The following EXOC2 variants were observed in gnomAD, a reference collection of about 807,000 sequenced individuals.
The protein encoded by EXOC2 is exocyst complex component 2.
Under a neutral mutation model 131.8 loss-of-function variants are expected in EXOC2, and 70 were observed. That is an observed-to-expected ratio of 0.53 (90% CI 0.44 to 0.65). The LOEUF (loss-of-function observed/expected upper bound fraction) is 0.65. Ranked by LOEUF, EXOC2 falls within the 30% of genes least tolerant of loss-of-function variation. The probability of loss-of-function intolerance (pLI) is 0.00; values close to 1 mark genes in which losing one functional copy is unlikely to be tolerated. For missense variants in EXOC2, 923 were observed against 1,108.6 expected, an observed-to-expected ratio of 0.83 and a Z score of 2.38; for synonymous variants, 411 against 398.4, an observed-to-expected ratio of 1.03 and a Z score of -0.38.
chr6:691,750 A>G (rs1482285240), intron 1 of EXOC2, among the ~76,000 whole-genome samples: 1 of 152,226 alleles, frequency 6.6e-6, no homozygotes, highest in African/African-American at 2.4e-5. Flanking sequence ...ATGGCATTCA[A>G]TACAGGAAAT....
intron 6 of EXOC2, among the ~76,000 whole-genome samples, chr6:611,805 T>G (rs1232702459): frequency 6.6e-6 from 1 of 152,234 alleles, no homozygotes; most frequent in Non-Finnish European, 1.5e-5. Context: ...AACTTAAATA[T>G]GTGAAGCAGT....
intron 22 of EXOC2, among the ~76,000 whole-genome samples, chr6:537,300 C>T (rs1185204061): frequency 3.3e-5 from 5 of 149,640 alleles, no homozygotes; most frequent in African/African-American, 9.9e-5. Context: ...TGACAGCCGA[C>T]GGAGCGCACA....
chr6:623,359 A>C (rs1761391477), intron 4 of EXOC2, among the ~76,000 whole-genome samples: 1 of 152,210 alleles, frequency 6.6e-6, no homozygotes, highest in Admixed American at 6.5e-5. Context: ...TCTTGGTCAA[A>C]ATACCACCTC....
chr6:653,878 T>C (rs1015767216), intron 1 of EXOC2, among the ~76,000 whole-genome samples: 2 of 152,208 alleles, frequency 1.3e-5, no homozygotes, highest in Non-Finnish European at 2.9e-5. Flanking sequence ...TAGGGGCTAA[T>C]GTAGCTGGTA....
chr6:614,941 A>T lies in EXOC2; in HGVS notation c.661+2770T>A, dbSNP rs1410723382. Among the ~76,000 whole-genome samples, 4 of 19,358 alleles carry T rather than the reference A, an allele frequency of 2.1e-4. No individual in the cohort carries two copies. The East Asian group carries it at 0.18, about 880-fold the overall frequency. 12.7% of individuals were successfully genotyped at this position (19,358 alleles called of 152,430 possible). A position where few individuals can be genotyped will look rare whatever the true frequency, so the allele number is the denominator to read the frequency against. On this transcript the variant is annotated intron_variant, in intron 6 of 27. Transcript: ENST00000230449. ...TTTACTAAAAACTACTAAGGAGGAA[A>T]ATTACAATACACATTTTAAAAACAC...
chr6:637,661 A>C (rs1240395425), intron 2 of EXOC2, 40 bp downstream of exon 2: 3 of 1,497,996 alleles, frequency 2.0e-6, no homozygotes, highest in South Asian at 1.2e-5. Context: ...CCACATAAAA[A>C]TCCGATTAGC....
intron 26 of EXOC2, among the ~76,000 whole-genome samples, chr6:489,734 T>C (rs980134377): frequency 2.6e-5 from 4 of 152,242 alleles, no homozygotes; most frequent in African/African-American, 7.2e-5. Context: ...TTATCTCTCT[T>C]ATGATTGGTT....
rs371938973 is a variant in EXOC2 at position 637,707 on chromosome 6, G to C, written c.112C>G (p.Leu38Val). 202 of 1,612,798 alleles carry C rather than the reference G, an allele frequency of 1.3e-4. 1 individual carries two copies. Among genetic ancestry groups the C allele is most frequent in the Non-Finnish European group, 1.7e-4 (198 of 1,179,524 alleles). Residue 38 changes from leucine to valine, a missense_variant, in exon 2 of 28, where the codon CTC (leucine) becomes GTC (valine). Leu to Val is a conservative substitution (Grantham distance 32). Coordinates refer to ENST00000230449, the MANE Select transcript of EXOC2 (RefSeq NM_018303.6). ...GCAGGGCCTCTGCCCTTACCTATGA[G>C]GTCGGTGGGGCCAGTCCCCAGATTT... ...GENLGTGPTD[L>V]IGLTICGHNC...
At position 507,424 on chromosome 6, in the gene EXOC2, A is replaced by T. The variant is rs186189772; in HGVS notation, c.2381-7724T>A. ...AGGGATTGCACTCTAGTAGGGACAC[A>T]CCCAGGTTTAATATGACAAATGACC... On this transcript the variant is annotated intron_variant, in intron 23 of 27. Coordinates refer to ENST00000230449, the MANE Select transcript of EXOC2 (RefSeq NM_018303.6). 1.1e-4 allele frequency among the ~76,000 whole-genome samples: 16 copies of T among 151,406 alleles called. No individual in the cohort carries two copies. The Admixed American group carries it at 1.1e-3, about 10-fold the overall frequency.
At chr6:661,791 T>G (rs902091756) in intron 1 of EXOC2, among the ~76,000 whole-genome samples, 7 of 151,984 alleles carry the variant, frequency 4.6e-5, no homozygotes, top group African/African-American at 1.7e-4. Context: ...AAAGCAATGG[T>G]ACCTCACATT....
At chr6:581,243 C>T (rs1340179384) in intron 11 of EXOC2, among the ~76,000 whole-genome samples, 1 of 151,228 alleles carries the variant, frequency 6.6e-6, no homozygotes, top group Non-Finnish European at 1.5e-5. Context: ...TTGCAGAATG[C>T]CAAGATCACA....
intron 1 of EXOC2, chr6:670,108 C>T (rs1347768588): frequency 6.6e-6 from 1 of 152,292 alleles, no homozygotes; most frequent in African/African-American, 2.4e-5. Flanking sequence ...CATCTCAGAG[C>T]CATCGTACTT....
chr6:648,502 T>C (rs1420486581), intron 1 of EXOC2, among the ~76,000 whole-genome samples: 2 of 152,146 alleles, frequency 1.3e-5, no homozygotes, highest in Non-Finnish European at 2.9e-5. Flanking sequence ...CATAAAACAA[T>C]GACATCAAAA....
chr6:534,474 T>A (rs1278730535), intron 22 of EXOC2, among the ~76,000 whole-genome samples: 1 of 152,048 alleles, frequency 6.6e-6, no homozygotes, highest in Non-Finnish European at 1.5e-5. Context: ...AGACTGACTT[T>A]CAAGCTTCTA....
rs771964720 is a variant in EXOC2 at position 629,947 on chromosome 6, A to T, written c.310T>A (p.Ser104Thr). The T allele has an allele frequency of 1.2e-6, 2 of 1,613,988 alleles. No individual in the cohort carries two copies. Among genetic ancestry groups the T allele is most frequent in the Non-Finnish European group, 1.7e-6 (2 of 1,179,880 alleles). Residue 104 changes from serine to threonine, a missense_variant, in exon 4 of 28, where the codon TCT becomes ACT. By Grantham distance (58) the Ser-to-Thr change is moderately conservative. Coordinates refer to ENST00000230449, the MANE Select transcript of EXOC2 (RefSeq NM_018303.6). ...TTCATTTCATCAACCCACACAGCAG[A>T]CTGATCCAAAATGCCTACAGAAATG... is the stretch of plus-strand genomic sequence containing the variant. ...KPEKIGILDQ[S>T]AVWVDEMNYY...
At chr6:568,806 G>A (rs955411697) in intron 13 of EXOC2, among the ~76,000 whole-genome samples, 3 of 152,104 alleles carry the variant, frequency 2.0e-5, no homozygotes, top group Non-Finnish European at 2.9e-5. Context: ...AAAGAAAAGC[G>A]TGAAAATCTG....
intron 1 of EXOC2, among the ~76,000 whole-genome samples, chr6:639,740 C>CT (rs1208532268): frequency 6.6e-6 from 1 of 152,200 alleles, no homozygotes; most frequent in Non-Finnish European, 1.5e-5. Context: ...TAGTCTCACT[C>CT]TAAGATGTGG....
chr6:673,454 G>C (rs960418858), intron 1 of EXOC2, among the ~76,000 whole-genome samples: 1 of 151,958 alleles, frequency 6.6e-6, no homozygotes, highest in African/African-American at 2.4e-5. Context: ...TATTTATTCA[G>C]AAATATAAAG....
intron 1 of EXOC2, among the ~76,000 whole-genome samples, chr6:645,178 C>T (rs909035256): frequency 6.0e-5 from 9 of 150,444 alleles, no homozygotes; most frequent in Non-Finnish European, 1.2e-4. Flanking sequence ...TTTGACAAGG[C>T]ACCAAAGTAA....
Sources: gnomAD v4.1 joint callset for allele counts (sites outside exome capture counted in the v4.1 genomes callset) on GRCh38, gnomAD v4.1.1 for gene constraint, MANE v1.5 for transcripts, NCBI Gene and HGNC (gene_info 2026-07-23, HGNC 2026-07-21) for gene names.